CCDC150: variants seen among roughly 807,000 people sequenced by gnomAD.
CCDC150 encodes coiled-coil domain-containing protein 150.
In CCDC150, 151 loss-of-function variants were observed where a neutral mutation model predicts 156.5. The observed-to-expected ratio is 0.97, with a 90% CI of 0.85 to 1.10. The LOEUF is 1.10. CCDC150 is among the 50% of genes least tolerant of loss of function. The pLI is 0.00. For missense variants in CCDC150, 1,312 were observed against 1,268.1 expected (o/e 1.03, Z -0.53); for synonymous variants, 452 against 429.4 (o/e 1.05, Z -0.65).
chr2:196,730,987 C>T (rs756432316), intron 26 of CCDC150, 42 bp downstream of exon 26: 6 of 1,464,706 alleles, frequency 4.1e-6, no homozygotes, highest in South Asian at 2.6e-5. Flanking sequence ...ACGTTTCCTT[C>T]AACACAGCAA....
chr2:196,679,503 C>A (rs1054791557), intron 13 of CCDC150, among the ~76,000 whole-genome samples: 1 of 152,102 alleles, frequency 6.6e-6, no homozygotes, highest in African/African-American at 2.4e-5. Context: ...TGCTCCATTG[C>A]CTGGATGTAT....
chr2:196,674,322 A>G lies in CCDC150; in HGVS notation c.1111A>G (p.Ile371Val), dbSNP rs568201168. 22 of 1,602,130 alleles carry G rather than the reference A, an allele frequency of 1.4e-5. 1 individual carries two copies. Among genetic ancestry groups the G allele is most frequent in the Admixed American group, 1.0e-4 (6 of 58,702 alleles). Residue 371 changes from isoleucine (I) to valine (V), a missense_variant, in exon 10 of 28, where the codon ATT becomes GTT. Coordinates refer to ENST00000389175, the MANE Select transcript of CCDC150 (RefSeq NM_001080539.2). ...TGTTACTATGGAAAAAGCCAGAATC[A>G]TTGCTGACCATCAGGCCATTCTGCA... ...QTVTMEKARI[I>V]ADHQAILQVE...
At chr2:196,718,739 T>C in intron 18 of CCDC150, 108 bp downstream of exon 18, 2 of 1,370,382 alleles carry the variant, frequency 1.5e-6, no homozygotes, top group South Asian at 4.0e-5. Context: ...TAAGGATTGA[T>C]CAGGGGAGGA....
At chr2:196,646,605 C>A in intron 2 of CCDC150, 101 bp downstream of exon 2, 1 of 843,452 alleles carries the variant, frequency 1.2e-6, no homozygotes, top group Middle Eastern at 2.5e-4. Flanking sequence ...TGCAAAAGAA[C>A]TGAGAAATAA....
At position 196,652,139 on chromosome 2, in the gene CCDC150, A is replaced by C. The variant is rs375841699; in HGVS notation, c.177-4494A>C. On this transcript the variant is annotated intron_variant, in intron 2 of 27. Transcript: ENST00000389175. Reference sequence around the variant, plus strand: ...AACATGAAATTTGGAGGGGACAAACATCCAAACTATATCATTCCACCCTTG... The same window carrying C: ...AACATGAAATTTGGAGGGGACAAACCTCCAAACTATATCATTCCACCCTTG... 1.4e-4 allele frequency among the ~76,000 whole-genome samples: 22 copies of C among 152,298 alleles called. No homozygotes were observed. The East Asian group carries it at 1.9e-3, about 13-fold the overall frequency.
At chr2:196,681,864 A>G (rs56726704) in intron 13 of CCDC150, among the ~76,000 whole-genome samples, 2,870 of 152,072 alleles carry the variant, frequency 0.019, 98 homozygotes, top group African/African-American at 0.066. Context: ...AGATACTACA[A>G]CCTTATCAGA....
rs369551971 is a variant in CCDC150 at position 196,695,114 on chromosome 2, A to G, written c.1578A>G (p.Gln526=). ...LEEENKHLAD[Q]MASLELQQVT... is the part of the protein sequence containing the mutation. ...AAGAGAATAAGCACCTGGCAGATCAAATGGCTTCCCTAGAACTTCAGCAAG... is the reference window on the plus strand; with the variant it reads ...AAGAGAATAAGCACCTGGCAGATCAGATGGCTTCCCTAGAACTTCAGCAAG... The change falls in exon 14 of 28, where the codon CAA becomes CAG. Residue 526 remains glutamine, a synonymous_variant. Transcript: ENST00000389175. The G allele has an allele frequency of 8.2e-5, 133 of 1,612,876 alleles. No individual in the cohort carries two copies. Among genetic ancestry groups the G allele is most frequent in the Non-Finnish European group, 1.1e-4 (127 of 1,179,086 alleles).
chr2:196,676,814 A>G, intron 12 of CCDC150, 83 bp downstream of exon 12: 1 of 1,250,906 alleles, frequency 8.0e-7, no homozygotes, highest in Non-Finnish European at 1.1e-6. Context: ...AAAGACAAGA[A>G]AAGAAATAAA....
intron 19 of CCDC150, chr2:196,720,162 A>G (rs1333936671): frequency 2.5e-6 from 1 of 400,830 alleles, no homozygotes; most frequent in Admixed American, 3.3e-5. Flanking sequence ...ATTAAATAAA[A>G]TTTCCTTTTA....
intron 2 of CCDC150, among the ~76,000 whole-genome samples, chr2:196,653,072 A>G (rs907265734): frequency 2.6e-5 from 4 of 152,206 alleles, no homozygotes; most frequent in African/African-American, 7.2e-5. Context: ...GGCCTGTGAT[A>G]AGAGGGGCTG....
Position 196,656,704 on chromosome 2 carries a change from A to G in CCDC150, c.248A>G (p.Glu83Gly). ...AAAGTCATTAGTCCTATCCAAAATG[A>G]AGCAATTTGTGCAGGAAAAACAGAT... ...SQKVISPIQN[E>G]AICAGKTDIL... Residue 83 changes from glutamate to glycine, a missense_variant, in exon 3 of 28, where the codon GAA (glutamate) becomes GGA (glycine). By Grantham distance (98) the Glu-to-Gly change is moderately conservative. Transcript: ENST00000389175. 1 of 1,613,784 alleles carries G rather than the reference A, an allele frequency of 6.2e-7. No homozygotes were observed. The highest frequency in any genetic ancestry group is 8.5e-7 in the Non-Finnish European group (1 of 1,179,786).
At chr2:196,730,640 T>C (rs1698469992) in intron 25 of CCDC150, among the ~76,000 whole-genome samples, 1 of 152,254 alleles carries the variant, frequency 6.6e-6, no homozygotes, top group Admixed American at 6.5e-5. Context: ...ACTCCATAAA[T>C]AAAAAATCAA....
At chr2:196,723,579 G>A (rs1698046946) in intron 21 of CCDC150, among the ~76,000 whole-genome samples, 1 of 152,188 alleles carries the variant, frequency 6.6e-6, no homozygotes, top group South Asian at 2.1e-4. Flanking sequence ...GAGAACCAAG[G>A]TCAGAACTTG....
At chr2:196,691,615 T>C (rs1559246968) in intron 13 of CCDC150, among the ~76,000 whole-genome samples, 2 of 151,858 alleles carry the variant, frequency 1.3e-5, no homozygotes, top group South Asian at 4.1e-4. Flanking sequence ...TATTTATTAG[T>C]CTAGCTAGAA....
At chr2:196,729,169 C>G in intron 22 of CCDC150, 24 bp from the exon 23 acceptor site, 1 of 1,570,010 alleles carries the variant, frequency 6.4e-7, no homozygotes, top group Non-Finnish European at 8.6e-7. Context: ...AAAAATGTTT[C>G]AATTTTCTCC....
chr2:196,729,774 A>G lies in CCDC150; in HGVS notation c.2752-19A>G. On this transcript the variant is annotated intron_variant, in intron 23 of 27. Coordinates refer to ENST00000389175, the MANE Select transcript of CCDC150 (RefSeq NM_001080539.2). ...TTTCCACTGATCATCTTTTTATGTT[A>G]TTTTCCAATTACTTTTAGCAAATAG... is the stretch of plus-strand genomic sequence containing the variant. 6.7e-7 allele frequency: 1 copy of G among 1,490,532 alleles called. No individual in the cohort carries two copies. The highest frequency in any genetic ancestry group is 2.3e-5 in the East Asian group (1 of 43,508). The allele number at this position is 1,490,532 out of a possible 1,614,324, so 92.3% of individuals were successfully genotyped here.
chr2:196,653,631 A>G (rs79073913), intron 2 of CCDC150, among the ~76,000 whole-genome samples: 3,977 of 152,174 alleles, frequency 0.026, 181 homozygotes, highest in African/African-American at 0.09. Flanking sequence ...CATTTTCATC[A>G]CAAGCACTTA....
chr2:196,711,683 A>G (rs1454700729), intron 15 of CCDC150, among the ~76,000 whole-genome samples: 1 of 152,180 alleles, frequency 6.6e-6, no homozygotes, highest in South Asian at 2.1e-4. Flanking sequence ...ATATTGTGTC[A>G]GTGAAACACA....
rs1042834711 is a variant in CCDC150, at chr2:196,650,187, G to A, written c.176+3683G>A. 3.3e-5 allele frequency among the ~76,000 whole-genome samples: 5 copies of A among 152,228 alleles called. No individual in the cohort carries two copies. The South Asian group carries it at 1.0e-3, about 32-fold the overall frequency. On this transcript the variant is annotated intron_variant, in intron 2 of 27. Transcript: ENST00000389175. The stretch of plus-strand genomic sequence containing the variant: ...TCCTTCTATACCTGATTTGTTGAGA[G>A]TTTTTATTATGAAACATTGTTGAAT...
Sources: allele counts gnomAD v4.1 joint callset (sites outside exome capture counted in the v4.1 genomes callset), GRCh38; gene constraint gnomAD v4.1.1; transcripts MANE v1.5; gene names NCBI Gene and HGNC (gene_info 2026-07-23, HGNC 2026-07-21).